Variants in AGPAT3 observed in about 807,000 individuals in gnomAD.
The protein encoded by AGPAT3 is 1-acyl-sn-glycerol-3-phosphate acyltransferase gamma.
A neutral mutation model predicts 47.3 loss-of-function variants in AGPAT3; 5 were observed. The observed-to-expected ratio is 0.11, with a 90% CI of 0.06 to 0.22. The LOEUF (loss-of-function observed/expected upper bound fraction) is 0.22, where lower values mean the gene tolerates loss of function less well. Ranked by LOEUF, AGPAT3 falls within the 10% of genes least tolerant of loss-of-function variation. AGPAT3 has a pLI of 1.00. For synonymous variants in AGPAT3, 212 were observed against 208.3 expected (o/e 1.02, Z -0.15); for missense variants, 315 against 493.0 (o/e 0.64, Z 3.42).
At chr21:43,924,729 G>A (rs1250434875) in intron 2 of AGPAT3, among the ~76,000 whole-genome samples, 4 of 152,210 alleles carry the variant, frequency 2.6e-5, no homozygotes, top group Non-Finnish European at 5.9e-5. Flanking sequence ...CAGGAAGGTC[G>A]AGAAGGGCAC....
intron 1 of AGPAT3, among the ~76,000 whole-genome samples, chr21:43,884,084 C>T (rs983263181): frequency 1.2e-4 from 18 of 152,114 alleles, no homozygotes; most frequent in African/African-American, 3.9e-4. Flanking sequence ...AAAGAGGTGC[C>T]TCTGGCCAGG....
At chr21:43,927,371 T>C (rs1181466766) in intron 2 of AGPAT3, among the ~76,000 whole-genome samples, 9 of 152,168 alleles carry the variant, frequency 5.9e-5, no homozygotes, top group Non-Finnish European at 1.3e-4. Flanking sequence ...AATGTTCTAT[T>C]GCAGCTGAAG....
chr21:43,890,412 C>T (rs114906145), intron 1 of AGPAT3, among the ~76,000 whole-genome samples: 106 of 152,188 alleles, frequency 7.0e-4, no homozygotes, highest in African/African-American at 2.4e-3. Flanking sequence ...ATAAATTACC[C>T]GGTCTCAATT....
At chr21:43,890,228 G>T (rs2086072574) in intron 1 of AGPAT3, among the ~76,000 whole-genome samples, 1 of 152,040 alleles carries the variant, frequency 6.6e-6, no homozygotes, top group South Asian at 2.1e-4. Flanking sequence ...AAAGTGTGTG[G>T]CCCCTCCCCC....
intron 3 of AGPAT3, among the ~76,000 whole-genome samples, chr21:43,963,481 A>G (rs7276691): frequency 0.21 from 32,534 of 152,054 alleles, 4,029 homozygotes; most frequent in African/African-American, 0.34. Flanking sequence ...AAGCTGAGGC[A>G]GGAGGATCCC....
chr21:43,903,953 T>G lies in AGPAT3; in HGVS notation c.-111-4T>G, dbSNP rs1290945362. ...ACGTTGACATGTGTGCCTTTCACTT[T>G]CAGGCTTGTCCAGCCGGAAGCCCTG... is the stretch of plus-strand genomic sequence containing the variant. On this transcript the variant is annotated splice_region_variant and splice_polypyrimidine_tract_variant and intron_variant, in intron 1 of 9. Coordinates refer to ENST00000291572, the MANE Select transcript of AGPAT3 (RefSeq NM_020132.5). 6.6e-6 allele frequency: 1 copy of G among 152,380 alleles called. No individual in the cohort carries two copies. Among genetic ancestry groups the G allele is most frequent in the Non-Finnish European group, 1.5e-5 (1 of 68,058 alleles). 9.4% of individuals were successfully genotyped at this position (152,380 alleles called of 1,614,324 possible). A position where few individuals can be genotyped will look rare whatever the true frequency, so the allele number is the denominator to read the frequency against.
intron 2 of AGPAT3, among the ~76,000 whole-genome samples, chr21:43,906,090 T>C (rs978924252): frequency 6.6e-6 from 1 of 152,186 alleles, no homozygotes; most frequent in Non-Finnish European, 1.5e-5. Context: ...GACATCACGG[T>C]TCTGTAATAA....
intron 2 of AGPAT3, among the ~76,000 whole-genome samples, chr21:43,909,906 C>T (rs2086593017): frequency 1.3e-5 from 2 of 152,098 alleles, no homozygotes; most frequent in African/African-American, 4.8e-5. Context: ...GGGGCCCAGG[C>T]CTCATCATGG....
Position 43,939,911 on chromosome 21 carries a change from G to T in AGPAT3, c.-48-19723G>T, listed in dbSNP as rs764283373. ...GCTCCTGGCCAAAAGCTGCTTATTG[G>T]ATTAGCCGGTGCCCCGACGGCAGAG... On this transcript the variant is annotated intron_variant, in intron 2 of 9. Transcript: ENST00000291572. This position sits in a 1 kb window ranked among gnomAD's most constrained non-coding sequence, Gnocchi z 4.4. Among the ~76,000 whole-genome samples the T allele has an allele frequency of 5.3e-5, 8 of 152,202 alleles. No homozygotes were observed. The highest frequency in any genetic ancestry group is 1.0e-4 in the Non-Finnish European group (7 of 68,020).
At chr21:43,895,110 TA>T (rs1311311281) in intron 1 of AGPAT3, among the ~76,000 whole-genome samples, 5 of 151,796 alleles carry the variant, frequency 3.3e-5, no homozygotes, top group African/African-American at 7.3e-5. Context: ...ATTATTTATT[TA>T]TTTTTTTTTT....
chr21:43,872,460 C>T (rs1466152874), intron 1 of AGPAT3, among the ~76,000 whole-genome samples: 4 of 152,118 alleles, frequency 2.6e-5, no homozygotes, highest in Non-Finnish European at 4.4e-5. Flanking sequence ...GAATTACAGG[C>T]GTGAGCCACC....
At chr21:43,935,746 C>T (rs2087424411) in intron 2 of AGPAT3, among the ~76,000 whole-genome samples, 1 of 152,086 alleles carries the variant, frequency 6.6e-6, no homozygotes, top group Non-Finnish European at 1.5e-5. Context: ...AGGCAGTGAC[C>T]CAGGCGTGGG....
chr21:43,894,519 A>C (rs959681326), intron 1 of AGPAT3, among the ~76,000 whole-genome samples: 2 of 152,072 alleles, frequency 1.3e-5, no homozygotes, highest in Non-Finnish European at 2.9e-5. Context: ...AATTTGGTAT[A>C]AATTGGCATA....
rs183558188 is a variant in AGPAT3 at position 43,981,784 on chromosome 21, C to T, written c.1043-520C>T. ...CCGTGAGCCGACTCCCCAGGCCCAGCAGCTGGGCCAGCTCCTCCCCTGCTC... is the reference window on the plus strand; with the variant it reads ...CCGTGAGCCGACTCCCCAGGCCCAGTAGCTGGGCCAGCTCCTCCCCTGCTC... On this transcript the variant is annotated intron_variant, in intron 9 of 9. Coordinates refer to ENST00000291572, the MANE Select transcript of AGPAT3 (RefSeq NM_020132.5). This position sits in a 1 kb window ranked among gnomAD's most constrained non-coding sequence, Gnocchi z 5.3. 1.8e-4 allele frequency among the ~76,000 whole-genome samples: 27 copies of T among 152,224 alleles called. No individual in the cohort carries two copies. The East Asian group carries it at 4.8e-3, about 27-fold the overall frequency.
chr21:43,928,922 C>T (rs938104481), intron 2 of AGPAT3, among the ~76,000 whole-genome samples: 3 of 152,224 alleles, frequency 2.0e-5, no homozygotes, highest in Admixed American at 1.3e-4. Flanking sequence ...GTGGCTCCGG[C>T]AGGTTCCTCA....
intron 7 of AGPAT3, among the ~76,000 whole-genome samples, chr21:43,973,531 A>G (rs1322619020): frequency 6.6e-6 from 1 of 152,226 alleles, no homozygotes; most frequent in African/African-American, 2.4e-5. Flanking sequence ...GCCAAGCTGC[A>G]CGGCGCCTCC....
chr21:43,943,114 G>A (rs749386433), intron 2 of AGPAT3, among the ~76,000 whole-genome samples: 3 of 151,880 alleles, frequency 2.0e-5, no homozygotes, highest in Non-Finnish European at 2.9e-5. Context: ...TCGCTCTGTC[G>A]CTCAGGCTGG....
intron 2 of AGPAT3, among the ~76,000 whole-genome samples, chr21:43,938,316 CTTTTTTTTTTTTTTTTT>C (rs57776186): frequency 1.4e-5 from 1 of 70,538 alleles, no homozygotes; most frequent in Non-Finnish European, 2.6e-5. Flanking sequence ...ATCTGCAAAT[CTTTTTTTTTTTTTTTTT>C]TTTTTTTTGA....
At chr21:43,869,814 C>T (rs538689024) in intron 1 of AGPAT3, among the ~76,000 whole-genome samples, 4 of 152,162 alleles carry the variant, frequency 2.6e-5, no homozygotes, top group Admixed American at 6.5e-5. Context: ...CACCTTGAAG[C>T]GGCTTTCTCT....
Sources: gnomAD v4.1 joint callset for allele counts (sites outside exome capture counted in the v4.1 genomes callset) on GRCh38, gnomAD v4.1.1 for gene constraint, Gnocchi (gnomAD v3.1) non-coding constraint, MANE v1.5 for transcripts, NCBI Gene and HGNC (gene_info 2026-07-23, HGNC 2026-07-21) for gene names.